The following IQCJ variants were observed in gnomAD, a reference collection of about 807,000 sequenced individuals.
IQCJ encodes IQ domain-containing protein J.
In IQCJ, 9 loss-of-function variants were observed where a neutral mutation model predicts 11.0. The ratio of observed to expected loss-of-function variants is 0.82; its 90% confidence interval spans 0.49 to 1.43. The LOEUF (loss-of-function observed/expected upper bound fraction) is 1.43, where lower values mean the gene tolerates loss of function less well. Among genes scored for constraint, IQCJ ranks in the 40% most tolerant of loss-of-function variants. The pLI is 0.00. For missense variants in IQCJ, 146 were observed against 133.2 expected, an observed-to-expected ratio of 1.10 and a Z score of -0.47; for synonymous variants, 55 against 51.3, an observed-to-expected ratio of 1.07 and a Z score of -0.31.
chr3:159,215,390 T>C (rs1166824867), intron 1 of IQCJ, among the ~76,000 whole-genome samples: 1 of 152,206 alleles, frequency 6.6e-6, no homozygotes, highest in Non-Finnish European at 1.5e-5. Flanking sequence ...TCTTTCTGCA[T>C]GCTGTTTCTC....
At position 159,263,429 on chromosome 3, in the gene IQCJ, T is replaced by G; in HGVS notation, c.*698T>G. 1.0e-6 allele frequency: 1 copy of G among 983,620 alleles called. No individual in the cohort carries two copies. Among genetic ancestry groups the G allele is most frequent in the Non-Finnish European group, 1.2e-6 (1 of 828,318 alleles). 60.9% of individuals were successfully genotyped at this position (983,620 alleles called of 1,614,324 possible). A position where few individuals can be genotyped will look rare whatever the true frequency, so the allele number is the denominator to read the frequency against. On this transcript the variant is annotated 3_prime_UTR_variant, in exon 4 of 4. Coordinates refer to ENST00000397832, the MANE Select transcript of IQCJ (RefSeq NM_001042706.3). ...GATAGAGAGTTAAGGAATAAGGGAA[T>G]CTGCTGGAAGTCTTTATTTTTAAAA...
chr3:159,235,934 C>T (rs867089425), intron 1 of IQCJ, among the ~76,000 whole-genome samples: 1 of 152,098 alleles, frequency 6.6e-6, no homozygotes, highest in East Asian at 1.9e-4. Context: ...AGTCCACTGT[C>T]GACAAGTGTA....
chr3:159,121,218 C>T (rs910680973), intron 1 of IQCJ, among the ~76,000 whole-genome samples: 23 of 151,428 alleles, frequency 1.5e-4, no homozygotes, highest in Admixed American at 4.6e-4. Context: ...ACTGCAGCCT[C>T]GATCTCCTGG....
At chr3:159,070,660 G>T (rs1048658045) in intron 1 of IQCJ, among the ~76,000 whole-genome samples, 1 of 152,006 alleles carries the variant, frequency 6.6e-6, no homozygotes, top group Non-Finnish European at 1.5e-5. Flanking sequence ...ACTAATTTTT[G>T]TAAAGAAGAG....
chr3:159,247,870 G>A (rs934505549), intron 2 of IQCJ, among the ~76,000 whole-genome samples: 2 of 152,298 alleles, frequency 1.3e-5, no homozygotes, highest in South Asian at 2.1e-4. Flanking sequence ...CAGAGAGAAA[G>A]TGACTTTGCT....
intron 1 of IQCJ, among the ~76,000 whole-genome samples, chr3:159,076,921 T>C (rs1014604647): frequency 6.6e-6 from 1 of 152,102 alleles, no homozygotes; most frequent in Non-Finnish European, 1.5e-5. Flanking sequence ...ACCTTTTTAA[T>C]AGGGTGGTTG....
At chr3:159,201,954 T>A (rs2108068573) in intron 1 of IQCJ, among the ~76,000 whole-genome samples, 1 of 152,252 alleles carries the variant, frequency 6.6e-6, no homozygotes, top group South Asian at 2.1e-4. Context: ...CCAATGCACA[T>A]AACGTGGAGC....
chr3:159,147,480 A>G (rs1446804133), intron 1 of IQCJ, among the ~76,000 whole-genome samples: 1 of 152,170 alleles, frequency 6.6e-6, no homozygotes, highest in Non-Finnish European at 1.5e-5. Flanking sequence ...ACTTCCATGG[A>G]TATCTGTCTT....
chr3:159,228,583 G>A (rs982894059), intron 1 of IQCJ, among the ~76,000 whole-genome samples: 3 of 152,152 alleles, frequency 2.0e-5, no homozygotes, highest in Admixed American at 6.5e-5. Flanking sequence ...GAGGTCAGGA[G>A]ATCGAGACCA....
At chr3:159,243,109 T>C (rs892039076) in intron 1 of IQCJ, among the ~76,000 whole-genome samples, 3 of 152,170 alleles carry the variant, frequency 2.0e-5, no homozygotes, top group African/African-American at 4.8e-5. Context: ...TTGGTGGGAA[T>C]GTACAGCAGC....
chr3:159,255,999 T>A (rs899511051), intron 3 of IQCJ, among the ~76,000 whole-genome samples: 2 of 152,190 alleles, frequency 1.3e-5, no homozygotes, highest in Non-Finnish European at 2.9e-5. Context: ...GAATGCAGGC[T>A]TAGTGAGAAG....
At chr3:159,260,537 C>T (rs562269860) in intron 3 of IQCJ, among the ~76,000 whole-genome samples, 6 of 152,254 alleles carry the variant, frequency 3.9e-5, no homozygotes, top group South Asian at 4.1e-4. Context: ...CCCCAAGCAA[C>T]TCAGAGGATG....
intron 1 of IQCJ, among the ~76,000 whole-genome samples, chr3:159,215,662 C>T (rs1485424669): frequency 1.3e-5 from 2 of 152,044 alleles, no homozygotes; most frequent in Non-Finnish European, 2.9e-5. Context: ...TGAACTTCCA[C>T]CAGACAGGAC....
chr3:159,148,361 T>G (rs1721026818), intron 1 of IQCJ, among the ~76,000 whole-genome samples: 1 of 152,222 alleles, frequency 6.6e-6, no homozygotes, highest in African/African-American at 2.4e-5. Context: ...GTGAACTATT[T>G]TGAAAGATGA....
intron 3 of IQCJ, among the ~76,000 whole-genome samples, chr3:159,261,641 T>G (rs1311123256): frequency 6.6e-6 from 1 of 152,208 alleles, no homozygotes; most frequent in African/African-American, 2.4e-5. Flanking sequence ...GTGAGTCAAT[T>G]AAACCTCTTT....
chr3:159,130,709 G>C (rs897929297), intron 1 of IQCJ, among the ~76,000 whole-genome samples: 8 of 152,038 alleles, frequency 5.3e-5, no homozygotes, highest in African/African-American at 7.2e-5. Context: ...GAAGCACCAG[G>C]GTCAGATACA....
chr3:159,102,275 T>A (rs112586015), intron 1 of IQCJ, among the ~76,000 whole-genome samples: 14 of 152,332 alleles, frequency 9.2e-5, no homozygotes, highest in African/African-American at 2.9e-4. Flanking sequence ...GTTATCATAA[T>A]CCTATTAAAA....
At chr3:159,218,276 T>A (rs577182610) in intron 1 of IQCJ, among the ~76,000 whole-genome samples, 1 of 151,766 alleles carries the variant, frequency 6.6e-6, no homozygotes, top group East Asian at 1.9e-4. Context: ...GGCCCCAGAG[T>A]CCATGAGTTC....
chr3:159,103,501 A>G (rs75458393), intron 1 of IQCJ, among the ~76,000 whole-genome samples: 1 of 152,240 alleles, frequency 6.6e-6, no homozygotes, highest in Non-Finnish European at 1.5e-5. Flanking sequence ...TTTAGGATCG[A>G]CATTCTGCTC....
Sources: allele counts gnomAD v4.1 joint callset (sites outside exome capture counted in the v4.1 genomes callset), GRCh38; gene constraint gnomAD v4.1.1; transcripts MANE v1.5; gene names NCBI Gene and HGNC (gene_info 2026-07-23, HGNC 2026-07-21).